THUMPD2: variants seen among roughly 807,000 people sequenced by gnomAD.
THUMPD2 encodes the protein U6 snRNA (guanine-N(2))-methyltransferase THUMPD2.
In THUMPD2, 56 loss-of-function variants were observed where a neutral mutation model predicts 49.4. The observed-to-expected ratio is 1.13, with a 90% CI of 0.91 to 1.41. The LOEUF (loss-of-function observed/expected upper bound fraction) is 1.41. Ranked by LOEUF, THUMPD2 falls within the 40% of genes most tolerant of loss-of-function variation. The probability of loss-of-function intolerance (pLI) is 0.00; values close to 1 mark genes in which losing one functional copy is unlikely to be tolerated. For missense variants in THUMPD2, 709 were observed against 594.5 expected, an observed-to-expected ratio of 1.19 and a Z score of -2.00; for synonymous variants, 237 against 205.2, an observed-to-expected ratio of 1.15 and a Z score of -1.32.
At position 39,736,552 on chromosome 2, in the gene THUMPD2, G is replaced by C. The variant is rs193088913; in HGVS notation, c.*183C>G. The C allele has an allele frequency of 2.0e-3, 956 of 473,452 alleles. 7 individuals carry two copies. The highest frequency in any genetic ancestry group is 1.8e-3 in the Non-Finnish European group (495 of 271,814). 29.3% of individuals were successfully genotyped at this position (473,452 alleles called of 1,614,324 possible). On this transcript the variant is annotated 3_prime_UTR_variant, in exon 10 of 10. Coordinates refer to ENST00000505747, the MANE Select transcript of THUMPD2 (RefSeq NM_025264.5). ...ATAACTTTTTTCTCAAAAACATTAA[G>C]TACTTTAGAATATAAAGCAGAAACT...
In THUMPD2 at chr2:39,755,841, C is replaced by T. The variant is rs781064660; in HGVS notation, c.963+48G>A. ...ATAATTGGTGATTATACTACATATA[C>T]TGATTAAAGTAGATAAATTGCTTGC... On this transcript the variant is annotated intron_variant, in intron 7 of 9. Coordinates refer to ENST00000505747, the MANE Select transcript of THUMPD2 (RefSeq NM_025264.5). The T allele has an allele frequency of 2.7e-6, 4 of 1,482,400 alleles. No individual in the cohort carries two copies. The South Asian group carries it at 4.5e-5, about 17-fold the overall frequency. The allele number at this position is 1,482,400 out of a possible 1,614,324, so 91.8% of individuals were successfully genotyped here. A position where few individuals can be genotyped will look rare whatever the true frequency, so the allele number is the denominator to read the frequency against.
chr2:39,769,332 G>C (rs1677985639), intron 3 of THUMPD2: 1 of 238,416 alleles, frequency 4.2e-6, no homozygotes, highest in Non-Finnish European at 8.5e-6. Context: ...AGAACTAATT[G>C]TCTGCGGCTA....
Position 39,777,210 on chromosome 2 carries a change from T to C in THUMPD2, c.126+1904A>G, listed in dbSNP as rs1679227373. On this transcript the variant is annotated intron_variant, in intron 1 of 9. Transcript: ENST00000505747. ...GACTGCAGTAATCCTTTAAAGTAGC[T>C]ATCATCTCTATTTTACATCCAAGAA... Among the ~76,000 whole-genome samples the C allele has an allele frequency of 3.9e-5, 6 of 152,242 alleles. No homozygotes were observed. The South Asian group carries it at 1.2e-3, about 32-fold the overall frequency.
chr2:39,755,888 C>A lies in THUMPD2; in HGVS notation c.963+1G>T. ...TTGCTTTACCAAACTTTAGAACTTA[C>A]TGGCCATTCTTTAGCAGCTTCCAAA... is the stretch of plus-strand genomic sequence containing the variant. On this transcript the variant is annotated splice_donor_variant, in intron 7 of 9. Coordinates refer to ENST00000505747, the MANE Select transcript of THUMPD2 (RefSeq NM_025264.5). LOFTEE classifies it high-confidence loss of function. 6.2e-7 allele frequency: 1 copy of A among 1,613,584 alleles called. No homozygotes were observed. Among genetic ancestry groups the A allele is most frequent in the Non-Finnish European group, 8.5e-7 (1 of 1,179,640 alleles).
chr2:39,757,487 T>C (rs1380706152), intron 6 of THUMPD2: 1 of 1,117,746 alleles, frequency 8.9e-7, no homozygotes, highest in African/African-American at 1.7e-5. Flanking sequence ...AAGGAAAAAT[T>C]TAAATGCAAA....
At chr2:39,766,398 TATC>T (rs2148318024) in intron 4 of THUMPD2, among the ~76,000 whole-genome samples, 1 of 152,272 alleles carries the variant, frequency 6.6e-6, no homozygotes, top group East Asian at 1.9e-4. Context: ...TTCTAGGAAT[TATC>T]ATAAGTGGAC....
chr2:39,778,763 G>T (rs1441071429), intron 1 of THUMPD2, among the ~76,000 whole-genome samples: 2 of 152,228 alleles, frequency 1.3e-5, no homozygotes. Context: ...TGAACTTGGA[G>T]ATTATGTTTG....
At chr2:39,754,916 C>T (rs1416239459) in intron 8 of THUMPD2, among the ~76,000 whole-genome samples, 2 of 152,172 alleles carry the variant, frequency 1.3e-5, no homozygotes, top group Non-Finnish European at 2.9e-5. Context: ...TAAGATAATT[C>T]AGAACATTTC....
At chr2:39,773,673 G>C (rs1206042919) in intron 1 of THUMPD2, among the ~76,000 whole-genome samples, 2 of 148,342 alleles carry the variant, frequency 1.3e-5, no homozygotes, top group African/African-American at 4.9e-5. Context: ...TTTCCAAAAA[G>C]AACACGACTA....
In THUMPD2 at chr2:39,769,874, C is replaced by T. The variant is rs1386002654; in HGVS notation, c.508G>A (p.Glu170Lys). The stretch of plus-strand genomic sequence containing the variant: ...GTAAAATCTCTTTGCTCCAGAGTTT[C>T]TTCTTTTATTTGTTTTTCCAGCTGG... The part of the protein sequence containing the change: ...DCQLEKQIKE[E>K]TLEQRDFTTK... The change falls in exon 3 of 10, where the codon GAA becomes AAA. Residue 170 changes from glutamate (E) to lysine (K), a missense_variant. Physicochemically the swap from Glu to Lys is moderately conservative, Grantham distance 56 (BLOSUM62 1). Transcript: ENST00000505747. 2 of 1,601,390 alleles carry T rather than the reference C, an allele frequency of 1.2e-6. No individual in the cohort carries two copies. The highest frequency in any genetic ancestry group is 2.7e-5 in the African/African-American group (2 of 73,586).
At chr2:39,776,614 C>T (rs2148362818) in intron 1 of THUMPD2, among the ~76,000 whole-genome samples, 1 of 152,270 alleles carries the variant, frequency 6.6e-6, no homozygotes, top group Non-Finnish European at 1.5e-5. Flanking sequence ...TGGTCTCGAA[C>T]TCCTGACCTC....
chr2:39,770,089 A>G lies in THUMPD2; in HGVS notation c.293T>C (p.Ile98Thr), dbSNP rs767602843. 3.9e-6 allele frequency: 6 copies of G among 1,530,890 alleles called. No individual in the cohort carries two copies. The highest frequency in any genetic ancestry group is 3.5e-6 in the Non-Finnish European group (4 of 1,151,452). The allele number at this position is 1,530,890 out of a possible 1,614,324, so 94.8% of individuals were successfully genotyped here. Residue 98 changes from isoleucine (I) to threonine (T), a missense_variant, in exon 3 of 10, where the codon ATA (isoleucine) becomes ACA (threonine). Coordinates refer to ENST00000505747, the MANE Select transcript of THUMPD2 (RefSeq NM_025264.5). ...CAACCAACTTCCTGGATCTTCATTT[A>G]TAAGTCTTTGCATTTCATTAAATAT... ...GKIFNEMQRL[I>T]NEDPGSWLNA...
At position 39,736,997 on chromosome 2, in the gene THUMPD2, G is replaced by C. The variant is rs371979440; in HGVS notation, c.1250C>G (p.Thr417Arg). The C allele has an allele frequency of 6.2e-7, 1 of 1,613,958 alleles. No individual in the cohort carries two copies. The stretch of plus-strand genomic sequence containing the variant: ...AGGGATGTTGCTCTCTTTACAATCT[G>C]TAAGGCGCCTGTGGTGATCTTCACT... ...LLSEDHHRRL[T>R]DCKESNIPFN... The change falls in exon 10 of 10, where the codon ACA becomes AGA. Residue 417 changes from threonine (T) to arginine (R), a missense_variant. By Grantham distance (71) the Thr-to-Arg change is moderately conservative. Coordinates refer to ENST00000505747, the MANE Select transcript of THUMPD2 (RefSeq NM_025264.5).
Position 39,761,380 on chromosome 2 carries a change from C to T in THUMPD2, c.842G>A (p.Gly281Glu), listed in dbSNP as rs758127001. ...LASRAYIKTA[G>E]LRSTIAWAMA... is the part of the protein sequence containing the mutation. ...TGCCCACGCTATTGTAGATCGCAGT[C>T]CAGCTGTCTTGATGTAAGCTCTGCT... The change falls in exon 6 of 10, where the codon GGA becomes GAA. Residue 281 changes from glycine (G) to glutamate (E), a missense_variant. Physicochemically the swap from Gly to Glu is moderately conservative, Grantham distance 98. Coordinates refer to ENST00000505747, the MANE Select transcript of THUMPD2 (RefSeq NM_025264.5). The T allele has an allele frequency of 1.2e-6, 2 of 1,613,700 alleles. No homozygotes were observed. Among genetic ancestry groups the T allele is most frequent in the South Asian group, 2.2e-5 (2 of 91,062 alleles).
intron 8 of THUMPD2, among the ~76,000 whole-genome samples, chr2:39,752,739 A>G (rs1675579953): frequency 2.6e-5 from 4 of 152,230 alleles, no homozygotes; most frequent in Admixed American, 2.0e-4. Flanking sequence ...ATAATATGAA[A>G]AAGTTTATCT....
chr2:39,736,635 C>T lies in THUMPD2; in HGVS notation c.*100G>A. 2 of 1,127,064 alleles carry T rather than the reference C, an allele frequency of 1.8e-6. No homozygotes were observed. The highest frequency in any genetic ancestry group is 2.5e-6 in the Non-Finnish European group (2 of 810,630). 69.8% of individuals were successfully genotyped at this position (1,127,064 alleles called of 1,614,324 possible). ...TCCTGTCTTTGGGGGAATTTGGTTA[C>T]TTGGAGCTCTGTGGGTGCTATATGA... On this transcript the variant is annotated 3_prime_UTR_variant, in exon 10 of 10. Transcript: ENST00000505747.
chr2:39,761,228 G>T, intron 6 of THUMPD2, 103 bp downstream of exon 6: 1 of 1,042,056 alleles, frequency 9.6e-7, no homozygotes, highest in Non-Finnish European at 1.4e-6. Flanking sequence ...AAAGCGTCAA[G>T]AAAAGAAAAA....
intron 6 of THUMPD2, among the ~76,000 whole-genome samples, chr2:39,758,694 G>T (rs1676440284): frequency 6.6e-6 from 1 of 151,876 alleles, no homozygotes; most frequent in Non-Finnish European, 1.5e-5. Context: ...CCATTTATAG[G>T]ATTCTGGCCA....
At chr2:39,751,097 T>A (rs1199398237) in intron 8 of THUMPD2, among the ~76,000 whole-genome samples, 2 of 152,258 alleles carry the variant, frequency 1.3e-5, no homozygotes, top group Non-Finnish European at 1.5e-5. Flanking sequence ...ACCTACCCCA[T>A]CACTTTCCAC....
Sources: allele counts gnomAD v4.1 joint callset (sites outside exome capture counted in the v4.1 genomes callset), GRCh38; gene constraint gnomAD v4.1.1; transcripts MANE v1.5; gene names NCBI Gene and HGNC (gene_info 2026-07-23, HGNC 2026-07-21).